NDC1: variants seen among roughly 807,000 people sequenced by gnomAD.
The protein encoded by NDC1 is nucleoporin NDC1.
Under a neutral mutation model 89.8 loss-of-function variants are expected in NDC1, and 24 were observed. The observed-to-expected ratio is 0.27, with a 90% CI of 0.19 to 0.38. NDC1 has a LOEUF of 0.38. Among genes scored for constraint, NDC1 ranks in the 10% least tolerant of loss-of-function variants. NDC1 has a pLI of 1.00. For missense variants in NDC1, 728 were observed against 797.6 expected (o/e 0.91, Z 1.05); for synonymous variants, 296 against 284.8 (o/e 1.04, Z -0.39).
intron 16 of NDC1, among the ~76,000 whole-genome samples, chr1:53,785,362 G>A (rs1223456113): frequency 6.6e-6 from 1 of 152,152 alleles, no homozygotes; most frequent in Non-Finnish European, 1.5e-5. Flanking sequence ...GAATTGCTAG[G>A]AAACTATTTA....
chr1:53,768,136 A>C, intron 17 of NDC1, 103 bp from the exon 18 acceptor site: 1 of 640,280 alleles, frequency 1.6e-6, no homozygotes, highest in Non-Finnish European at 2.4e-6. Flanking sequence ...ATTAAAAATG[A>C]ATAGAAATCT....
intron 1 of NDC1, among the ~76,000 whole-genome samples, 192 bp downstream of exon 1, chr1:53,838,013 C>T (rs1649295185): frequency 6.6e-6 from 1 of 152,232 alleles, no homozygotes; most frequent in African/African-American, 2.4e-5. Context: ...GACCCCTCTC[C>T]TACCCCGTAA....
chr1:53,837,655 C>T (rs182333213), intron 1 of NDC1, among the ~76,000 whole-genome samples: 38 of 152,250 alleles, frequency 2.5e-4, no homozygotes, highest in Non-Finnish European at 4.3e-4. Flanking sequence ...GGGATAGAAG[C>T]ACTTTTCCAA....
At chr1:53,774,903 T>C (rs1005692766) in intron 16 of NDC1, among the ~76,000 whole-genome samples, 5 of 151,900 alleles carry the variant, frequency 3.3e-5, no homozygotes, top group African/African-American at 1.2e-4. Context: ...AAAAACTAAA[T>C]AAATAAAATA....
At position 53,809,701 on chromosome 1, in the gene NDC1, A is replaced by G. The variant is rs1570208830; in HGVS notation, c.749T>C (p.Ile250Thr). ...CTTTTTAGGTATCACTTACTCATCT[A>G]TGTGAAGGTTCATAGCAGTGCTAAT... ...AWISTAMNLH[I>T]DEQVHRPLDT... The change falls in exon 7 of 18, where the codon ATA becomes ACA. Residue 250 changes from isoleucine (I) to threonine (T), a missense_variant. By Grantham distance (89) the Ile-to-Thr change is moderately conservative (BLOSUM62 -1). Coordinates refer to ENST00000371429, the MANE Select transcript of NDC1 (RefSeq NM_018087.5). 1.9e-6 allele frequency: 3 copies of G among 1,608,612 alleles called. No individual in the cohort carries two copies. The highest frequency in any genetic ancestry group is 1.7e-6 in the Non-Finnish European group (2 of 1,175,204).
chr1:53,825,849 G>A lies in NDC1; in HGVS notation c.543C>T (p.Ser181=), dbSNP rs1171992748. 3 of 1,609,632 alleles carry A rather than the reference G, an allele frequency of 1.9e-6. No individual in the cohort carries two copies. The highest frequency in any genetic ancestry group is 2.5e-6 in the Non-Finnish European group (3 of 1,178,446). ...TCATGTTGTTAACAAAATACAGGAGGCTATAGCTATAGCCCATAAATGCTC... is the reference window on the plus strand; with the variant it reads ...TCATGTTGTTAACAAAATACAGGAGACTATAGCTATAGCCCATAAATGCTC... The part of the protein sequence containing the change: ...LTGAFMGYSY[S]LLYFVNNMNY... The change falls in exon 5 of 18, where the codon AGC becomes AGT. Residue 181 remains serine, a synonymous_variant. Coordinates refer to ENST00000371429, the MANE Select transcript of NDC1 (RefSeq NM_018087.5).
intron 6 of NDC1, among the ~76,000 whole-genome samples, chr1:53,817,697 T>G (rs1401190370): frequency 6.6e-6 from 1 of 151,888 alleles, no homozygotes; most frequent in Admixed American, 6.6e-5. Context: ...AGAATGACAA[T>G]CATAAGAGCT....
At chr1:53,781,772 T>C (rs1647210559) in intron 16 of NDC1, among the ~76,000 whole-genome samples, 1 of 152,134 alleles carries the variant, frequency 6.6e-6, no homozygotes, top group African/African-American at 2.4e-5. Context: ...ATAACAGGGA[T>C]CATATGAGTC....
intron 5 of NDC1, among the ~76,000 whole-genome samples, chr1:53,824,356 C>T (rs12729768): frequency 0.029 from 4,401 of 152,262 alleles, 98 homozygotes; most frequent in Middle Eastern, 0.044. Flanking sequence ...CCCACCTCAG[C>T]CTCCCAAAGT....
chr1:53,778,352 G>C (rs1647179306), intron 16 of NDC1, among the ~76,000 whole-genome samples: 1 of 152,042 alleles, frequency 6.6e-6, no homozygotes, highest in Non-Finnish European at 1.5e-5. Context: ...GGTAAGGTTT[G>C]AGATAAAGGA....
chr1:53,819,044 G>A lies in NDC1; in HGVS notation c.630C>T (p.Leu210=), dbSNP rs755199681. ...YKFLRFRRSL[L]LLVKHSCVES... is the part of the protein sequence containing the mutation. ...CCACACAACTGTGTTTAACTAATAA[G>A]AGCAGAGATCTCCTAAAACGCAAGA... The change falls in exon 6 of 18, where the codon CTC becomes CTT. Residue 210 remains leucine, a synonymous_variant. Coordinates refer to ENST00000371429, the MANE Select transcript of NDC1 (RefSeq NM_018087.5). 69 of 1,581,230 alleles carry A rather than the reference G, an allele frequency of 4.4e-5. No homozygotes were observed. The highest frequency in any genetic ancestry group is 9.4e-5 in the South Asian group (8 of 84,658).
At chr1:53,838,134 G>T in intron 1 of NDC1, 71 bp downstream of exon 1, 5 of 1,424,860 alleles carry the variant, frequency 3.5e-6, no homozygotes, top group Admixed American at 2.1e-5. Context: ...CGCCCAGCGC[G>T]CACGCGCGAT....
chr1:53,802,898 T>A (rs576127484), intron 10 of NDC1, among the ~76,000 whole-genome samples: 5 of 152,134 alleles, frequency 3.3e-5, no homozygotes, highest in Middle Eastern at 3.4e-3. Flanking sequence ...GGAGGCAGAG[T>A]AGCATAGCAG....
At chr1:53,782,082 A>C (rs1647214628) in intron 16 of NDC1, among the ~76,000 whole-genome samples, 1 of 152,240 alleles carries the variant, frequency 6.6e-6, no homozygotes, top group South Asian at 2.1e-4. Context: ...GGAGTTACAG[A>C]GTAGAGTCAG....
At chr1:53,792,241 C>T (rs1647543477) in intron 14 of NDC1, among the ~76,000 whole-genome samples, 1 of 152,170 alleles carries the variant, frequency 6.6e-6, no homozygotes. Flanking sequence ...CATGCCCGGC[C>T]TTTCCCCTTC....
At chr1:53,814,350 G>A (rs547771056) in intron 6 of NDC1, among the ~76,000 whole-genome samples, 9 of 151,312 alleles carry the variant, frequency 5.9e-5, no homozygotes, top group South Asian at 2.1e-4. Flanking sequence ...GCAAGACTCC[G>A]TCTCAAAAAA....
chr1:53,792,109 A>G (rs376860351), intron 14 of NDC1, among the ~76,000 whole-genome samples: 2 of 151,886 alleles, frequency 1.3e-5, no homozygotes, highest in East Asian at 1.9e-4. Flanking sequence ...CGCCTGGCTA[A>G]TTTTTTGTAT....
At chr1:53,818,828 T>C (rs1056790793) in intron 6 of NDC1, 143 bp downstream of exon 6, 15 of 546,582 alleles carry the variant, frequency 2.7e-5, no homozygotes, top group Admixed American at 1.2e-4. Flanking sequence ...TACATTCTCT[T>C]TGACAATTTA....
intron 6 of NDC1, among the ~76,000 whole-genome samples, chr1:53,812,865 A>G (rs1353504356): frequency 6.6e-6 from 1 of 152,218 alleles, no homozygotes; most frequent in Non-Finnish European, 1.5e-5. Flanking sequence ...CAGAAGCACC[A>G]GGTAACCTAT....
Sources: gnomAD v4.1 joint callset for allele counts (sites outside exome capture counted in the v4.1 genomes callset) on GRCh38, gnomAD v4.1.1 for gene constraint, MANE v1.5 for transcripts, NCBI Gene and HGNC (gene_info 2026-07-23, HGNC 2026-07-21) for gene names.